Variants in SSBP2 observed in about 807,000 individuals in gnomAD.
The protein encoded by SSBP2 is single stranded DNA binding protein 2.
In SSBP2, 17 loss-of-function variants were observed where a neutral mutation model predicts 61.8. The observed-to-expected ratio is 0.28, with a 90% CI of 0.19 to 0.41. SSBP2 has a LOEUF of 0.41. Among genes scored for constraint, SSBP2 ranks in the 10% least tolerant of loss-of-function variants. The pLI is 1.00. For missense variants in SSBP2, 310 were observed against 458.7 expected, an observed-to-expected ratio of 0.68 and a Z score of 2.96; for synonymous variants, 139 against 141.3, an observed-to-expected ratio of 0.98 and a Z score of 0.12.
chr5:81,485,657 T>G (rs1442720486), intron 6 of SSBP2, among the ~76,000 whole-genome samples: 1 of 152,158 alleles, frequency 6.6e-6, no homozygotes, highest in Non-Finnish European at 1.5e-5. Flanking sequence ...ATAAACACAT[T>G]AGTGGATTTT....
intron 15 of SSBP2, among the ~76,000 whole-genome samples, chr5:81,431,675 C>T (rs1442764667): frequency 6.6e-6 from 1 of 152,024 alleles, no homozygotes. Context: ...GCCTTGGACT[C>T]TTGGGCTCAA....
intron 4 of SSBP2, among the ~76,000 whole-genome samples, chr5:81,610,291 T>A (rs1745321982): frequency 6.6e-6 from 1 of 152,214 alleles, no homozygotes; most frequent in Non-Finnish European, 1.5e-5. Flanking sequence ...CTAAATTATG[T>A]CTACCAAAAT....
chr5:81,703,273 C>T (rs1754119376), intron 1 of SSBP2, among the ~76,000 whole-genome samples: 1 of 152,084 alleles, frequency 6.6e-6, no homozygotes. Flanking sequence ...AGATATTCAG[C>T]CATGAATACA....
chr5:81,720,871 T>G (rs1326505817), intron 1 of SSBP2, among the ~76,000 whole-genome samples: 1 of 152,212 alleles, frequency 6.6e-6, no homozygotes, highest in East Asian at 1.9e-4. Flanking sequence ...TTCCTGATTA[T>G]TCCACATAAA....
At chr5:81,704,795 CAAAAAAA>C (rs34376110) in intron 1 of SSBP2, among the ~76,000 whole-genome samples, 10 of 51,990 alleles carry the variant, frequency 1.9e-4, no homozygotes, top group East Asian at 1.1e-3. Context: ...GATTCCATCT[CAAAAAAA>C]AAAAAAAAAA....
chr5:81,445,646 T>C (rs928252828), intron 12 of SSBP2, among the ~76,000 whole-genome samples: 15 of 152,178 alleles, frequency 9.9e-5, no homozygotes, highest in Non-Finnish European at 1.9e-4. Flanking sequence ...ATCAAGTTTA[T>C]GATTTTTCTA....
chr5:81,659,084 C>A (rs1041684014), intron 1 of SSBP2, among the ~76,000 whole-genome samples: 31 of 152,132 alleles, frequency 2.0e-4, no homozygotes, highest in Admixed American at 1.7e-3. Flanking sequence ...AAGCTGGAAG[C>A]ATACCCTTTG....
At chr5:81,631,685 ACTTTT>A (rs1286369501) in intron 3 of SSBP2, among the ~76,000 whole-genome samples, 3 of 152,212 alleles carry the variant, frequency 2.0e-5, no homozygotes, top group African/African-American at 4.8e-5. Context: ...ATTATTTCAA[ACTTTT>A]CTTTAAAGAC....
intron 4 of SSBP2, among the ~76,000 whole-genome samples, chr5:81,563,506 G>A (rs953586418): frequency 2.0e-5 from 3 of 152,134 alleles, no homozygotes; most frequent in Non-Finnish European, 4.4e-5. Context: ...TTCATCAAAA[G>A]TAAAAACTTC....
At chr5:81,726,008 A>G (rs1755860545) in intron 1 of SSBP2, among the ~76,000 whole-genome samples, 1 of 152,246 alleles carries the variant, frequency 6.6e-6, no homozygotes, top group African/African-American at 2.4e-5. Flanking sequence ...ATTTATATAA[A>G]TTAAAAATAT....
chr5:81,469,169 G>T (rs894066750), intron 8 of SSBP2, among the ~76,000 whole-genome samples: 7 of 151,826 alleles, frequency 4.6e-5, no homozygotes, highest in Non-Finnish European at 8.8e-5. Flanking sequence ...TGTTGCCACT[G>T]CCCCATTGCC....
rs1769737510 is a variant in SSBP2 at position 81,524,271 on chromosome 5, C to T, written c.283-10554G>A. 3.9e-5 allele frequency among the ~76,000 whole-genome samples: 6 copies of T among 152,082 alleles called. No homozygotes were observed. The South Asian group carries it at 1.2e-3, about 31-fold the overall frequency. On this transcript the variant is annotated intron_variant, in intron 4 of 16. Transcript: ENST00000320672. Reference sequence around the variant, plus strand: ...CACTGATTCCTACAACTACAAGAAACTGAATTTTGCCCAGAACTTAAATAA... The same window carrying T: ...CACTGATTCCTACAACTACAAGAAATTGAATTTTGCCCAGAACTTAAATAA...
chr5:81,431,059 C>T (rs1027806852), intron 15 of SSBP2, among the ~76,000 whole-genome samples: 35 of 152,152 alleles, frequency 2.3e-4, no homozygotes, highest in South Asian at 1.2e-3. Context: ...GCTAAGATAG[C>T]GGTACCAAAA....
rs955502985 is a variant in SSBP2, at chr5:81,663,009, T to A, written c.63-12670A>T. Among the ~76,000 whole-genome samples the A allele has an allele frequency of 2.6e-5, 4 of 152,170 alleles. No individual in the cohort carries two copies. In the East Asian group the frequency reaches 5.8e-4, roughly 22 times the overall value. ...AATTACAGATTCTGAACCATTCTTG[T>A]AAACGAATGAATGTACAGTCTGGGA... is the stretch of plus-strand genomic sequence containing the variant. On this transcript the variant is annotated intron_variant, in intron 1 of 16. Coordinates refer to ENST00000320672, the MANE Select transcript of SSBP2 (RefSeq NM_012446.5).
chr5:81,718,698 G>A (rs143503265), intron 1 of SSBP2, among the ~76,000 whole-genome samples: 113 of 152,254 alleles, frequency 7.4e-4, no homozygotes, highest in African/African-American at 2.6e-3. Flanking sequence ...TCACATTTCA[G>A]TTATTCCCAG....
At chr5:81,635,927 C>T (rs1012062382) in intron 3 of SSBP2, among the ~76,000 whole-genome samples, 1 of 152,266 alleles carries the variant, frequency 6.6e-6, no homozygotes, top group East Asian at 1.9e-4. Context: ...GGCTACCAAG[C>T]CCTGCTCTCT....
At chr5:81,664,663 G>T (rs1750962233) in intron 1 of SSBP2, among the ~76,000 whole-genome samples, 1 of 152,026 alleles carries the variant, frequency 6.6e-6, no homozygotes, top group African/African-American at 2.4e-5. Context: ...TCGACAACAT[G>T]GAAGTTACTA....
chr5:81,608,558 T>A (rs1459123458), intron 4 of SSBP2, among the ~76,000 whole-genome samples: 2 of 152,220 alleles, frequency 1.3e-5, no homozygotes, highest in African/African-American at 4.8e-5. Context: ...TAAATTTTCA[T>A]GGTTAAACCA....
intron 10 of SSBP2, among the ~76,000 whole-genome samples, chr5:81,457,364 C>T (rs142286025): frequency 6.6e-5 from 10 of 152,130 alleles, no homozygotes; most frequent in East Asian, 3.9e-4. Flanking sequence ...AACTAATAAA[C>T]GGAGAAGAAA....
Sources: allele counts gnomAD v4.1 joint callset (sites outside exome capture counted in the v4.1 genomes callset), GRCh38; gene constraint gnomAD v4.1.1; transcripts MANE v1.5; gene names NCBI Gene and HGNC (gene_info 2026-07-23, HGNC 2026-07-21).